The following FMR1 variants were observed in gnomAD, a reference collection of about 807,000 sequenced individuals.
FMR1 encodes the protein fragile X messenger ribonucleoprotein 1.
Under a neutral mutation model 50.6 loss-of-function variants are expected in FMR1, and 13 were observed. The ratio of observed to expected loss-of-function variants is 0.26; its 90% CI spans 0.17 to 0.41. FMR1 has a LOEUF of 0.41. Among genes scored for constraint, FMR1 ranks in the 10% least tolerant of loss-of-function variants. FMR1 has a pLI of 1.00. For synonymous variants in FMR1, 138 were observed against 164.1 expected, an observed-to-expected ratio of 0.84 and a Z score of 1.22; for missense variants, 316 against 491.3, an observed-to-expected ratio of 0.64 and a Z score of 3.37.
Position 147,949,291 on chromosome X carries a change from TTA to T in FMR1, c.*449_*450del. The stretch of plus-strand genomic sequence containing the variant: ...ATGTCATTTCATGTCCTGTGTCAGT[TTA>T]TGTTTTGGTCCACTTTTCCAGTATT... On this transcript the variant is annotated 3_prime_UTR_variant, in exon 17 of 17. Transcript: ENST00000370475. 1 of 330,173 alleles carries T rather than the reference TTA, an allele frequency of 3.0e-6. No individual in the cohort carries two copies. Among genetic ancestry groups the T allele is most frequent in the South Asian group, 2.6e-5 (1 of 38,461 alleles). 27.2% of individuals were successfully genotyped at this position (330,173 alleles called of 1,213,427 possible). A position where few individuals can be genotyped will look rare whatever the true frequency, so the allele number is the denominator to read the frequency against.
At chrX:147,935,410 C>A (rs1603010722) in intron 9 of FMR1, among the ~76,000 whole-genome samples, 1 of 112,168 alleles carries the variant, frequency 8.9e-6, no homozygotes, top group East Asian at 2.8e-4. Context: ...TGGCTCAAAG[C>A]AAATTTTTGC....
rs1354701418 is a variant in FMR1, at chrX:147,912,075, C to CGGCGGA, written c.-99_-94dup. 5 of 326,125 alleles carry CGGCGGA rather than the reference C, an allele frequency of 1.5e-5. No individual in the cohort carries two copies. Among genetic ancestry groups the CGGCGGA allele is most frequent in the Non-Finnish European group, 2.0e-5 (5 of 252,582 alleles). The allele number at this position is 326,125 out of a possible 1,213,427, so 26.9% of individuals were successfully genotyped here. On this transcript the variant is annotated 5_prime_UTR_variant, in exon 1 of 17. Transcript: ENST00000370475. Reference sequence around the variant, plus strand: ...GCGGCGGCGGCGGCGGCGGCGGCGGCGGCGGAGGCGGCGGCGGCGGCGGCG... The same window carrying CGGCGGA: ...GCGGCGGCGGCGGCGGCGGCGGCGGCGGCGGAGGCGGAGGCGGCGGCGGCGGCGGCG...
At chrX:147,913,700 C>T (rs782008399) in intron 1 of FMR1, 6 of 111,763 alleles carry the variant, frequency 5.4e-5, no homozygotes, top group African/African-American at 2.0e-4. Flanking sequence ...AAGGTAACCC[C>T]GCGTTTATGT....
chrX:147,917,823 T>G (rs2124438225), intron 1 of FMR1, among the ~76,000 whole-genome samples: 1 of 111,752 alleles, frequency 8.9e-6, no homozygotes, highest in African/African-American at 3.3e-5. Context: ...AGAGATCACT[T>G]CTTGGTGAGA....
At chrX:147,945,898 G>C (rs782542019) in intron 16 of FMR1, among the ~76,000 whole-genome samples, 3 of 110,646 alleles carry the variant, frequency 2.7e-5, no homozygotes, top group Non-Finnish European at 3.8e-5. Flanking sequence ...TTTTTGAGAC[G>C]GGAGTTTCGC....
rs2043533524 is a variant in FMR1, at chrX:147,929,932, T to A, written c.420-16T>A. On this transcript the variant is annotated splice_polypyrimidine_tract_variant and intron_variant, in intron 5 of 16. Coordinates refer to ENST00000370475, the MANE Select transcript of FMR1 (RefSeq NM_002024.6). ...TTGGTAATTATTCATCTTAATTTTT[T>A]TTTTTAAATTTCTAGGTGTGCCAAA... 1 of 1,116,036 alleles carries A rather than the reference T, an allele frequency of 9.0e-7. No individual in the cohort carries two copies. The highest frequency in any genetic ancestry group is 1.9e-5 in the South Asian group (1 of 52,731). 92.0% of individuals were successfully genotyped at this position (1,116,036 alleles called of 1,213,427 possible).
chrX:147,947,617 G>A (rs1213133990), intron 16 of FMR1: 2 of 109,357 alleles, frequency 1.8e-5, no homozygotes, highest in Admixed American at 9.7e-5. Flanking sequence ...GGCTGAGGCA[G>A]GAGGATGGCG....
At chrX:147,940,683 A>C in intron 13 of FMR1, 21 bp downstream of exon 13, 1 of 1,008,540 alleles carries the variant, frequency 9.9e-7, no homozygotes, top group South Asian at 1.9e-5. Context: ...AAAGAACTTT[A>C]ACTTCTAATC....
intron 5 of FMR1, 67 bp downstream of exon 5, chrX:147,928,874 A>G: frequency 9.1e-7 from 1 of 1,101,077 alleles, no homozygotes; most frequent in Non-Finnish European, 1.2e-6. Flanking sequence ...AAGAATTTCT[A>G]GTAGTTTAAA....
chrX:147,940,786 G>C (rs932992242), intron 13 of FMR1, 124 bp downstream of exon 13: 1 of 472,256 alleles, frequency 2.1e-6, no homozygotes, highest in East Asian at 3.7e-5. Flanking sequence ...CTTGTCAAAG[G>C]TAATAGAGAA....
At chrX:147,914,489 T>C (rs1466736093) in intron 1 of FMR1, 4 of 112,047 alleles carry the variant, frequency 3.6e-5, no homozygotes, top group Non-Finnish European at 7.5e-5. Context: ...GAAAAAGAAA[T>C]AGGAACCTTG....
rs782154957 is a variant in FMR1 at position 147,949,368 on chromosome X, CA to C, written c.*531del. The C allele has an allele frequency of 7.3e-5, 24 of 326,647 alleles. No homozygotes were observed. Among genetic ancestry groups the C allele is most frequent in the South Asian group, 6.0e-4 (23 of 38,238 alleles). The allele number at this position is 326,647 out of a possible 1,213,427, so 26.9% of individuals were successfully genotyped here. A position where few individuals can be genotyped will look rare whatever the true frequency, so the allele number is the denominator to read the frequency against. On this transcript the variant is annotated 3_prime_UTR_variant, in exon 17 of 17. Transcript: ENST00000370475. The stretch of plus-strand genomic sequence containing the variant: ...ATGTGACATTTGTCATTTTCATTAG[CA>C]AAAAAAGTTGTATGATCTGTGCCTT...
At chrX:147,945,732 A>G in intron 16 of FMR1, 116 bp downstream of exon 16, 1 of 568,434 alleles carries the variant, frequency 1.8e-6, no homozygotes, top group Non-Finnish European at 3.0e-6. Context: ...AGTTTATGTG[A>G]AATATTTTAC....
intron 1 of FMR1, among the ~76,000 whole-genome samples, chrX:147,918,744 TATG>T (rs782457991): frequency 9.1e-6 from 1 of 110,331 alleles, no homozygotes; most frequent in South Asian, 3.8e-4. Flanking sequence ...ATAGTGCTTT[TATG>T]ATGAGTCTGA....
At position 147,950,878 on chromosome X, in the gene FMR1, G is replaced by T; in HGVS notation, c.*2034G>T. The T allele has an allele frequency of 3.2e-6, 1 of 307,910 alleles. No individual in the cohort carries two copies. Among genetic ancestry groups the T allele is most frequent in the Non-Finnish European group, 6.2e-6 (1 of 161,085 alleles). 25.4% of individuals were successfully genotyped at this position (307,910 alleles called of 1,213,427 possible). On this transcript the variant is annotated 3_prime_UTR_variant, in exon 17 of 17. Transcript: ENST00000370475. ...TGCACTAAGTCTCTTTTTTACAAAGGCTGTATTCAGCAAGGCGCTAACTTG... is the reference window on the plus strand; with the variant it reads ...TGCACTAAGTCTCTTTTTTACAAAGTCTGTATTCAGCAAGGCGCTAACTTG...
chrX:147,946,083 G>A, intron 16 of FMR1, among the ~76,000 whole-genome samples: 1 of 111,033 alleles, frequency 9.0e-6, no homozygotes, highest in African/African-American at 3.3e-5. Context: ...CACCATGTTG[G>A]TCAGGCTGGT....
intron 5 of FMR1, among the ~76,000 whole-genome samples, chrX:147,929,096 T>G (rs922798851): frequency 2.7e-5 from 3 of 112,285 alleles, no homozygotes; most frequent in African/African-American, 9.7e-5. Flanking sequence ...CATTCTAAGA[T>G]TTAAAAACTG....
intron 1 of FMR1, among the ~76,000 whole-genome samples, chrX:147,916,765 G>A (rs955238714): frequency 2.7e-5 from 3 of 110,948 alleles, no homozygotes; most frequent in African/African-American, 9.9e-5. Flanking sequence ...TCTTTCAACA[G>A]GTCTCACTGT....
intron 4 of FMR1, 58 bp downstream of exon 4, chrX:147,928,451 G>C: frequency 1.1e-6 from 1 of 940,249 alleles, no homozygotes; most frequent in South Asian, 2.0e-5. Flanking sequence ...TTAAACCCAG[G>C]TTGTACATTC....
Sources: allele counts gnomAD v4.1 joint callset (sites outside exome capture counted in the v4.1 genomes callset), GRCh38; gene constraint gnomAD v4.1.1; transcripts MANE v1.5; gene names NCBI Gene and HGNC (gene_info 2026-07-23, HGNC 2026-07-21).